KAZN: variants seen among roughly 807,000 people sequenced by gnomAD.
The protein encoded by KAZN is kazrin.
Under a neutral mutation model 87.4 loss-of-function variants are expected in KAZN, and 40 were observed. That is an observed-to-expected ratio of 0.46 (90% CI 0.36 to 0.60). The LOEUF (loss-of-function observed/expected upper bound fraction) is 0.60. Among genes scored for constraint, KAZN ranks in the 20% least tolerant of loss-of-function variants. The pLI, the probability that KAZN is intolerant of heterozygous loss-of-function variation, is 0.00. For synonymous variants in KAZN, 466 were observed against 458.3 expected (o/e 1.02, Z -0.22); for missense variants, 898 against 1,073.9 (o/e 0.84, Z 2.29).
intron 1 of KAZN, among the ~76,000 whole-genome samples, chr1:14,152,396 T>C (rs1005368310): frequency 6.6e-6 from 1 of 152,226 alleles, no homozygotes; most frequent in African/African-American, 2.4e-5. Context: ...AGTTCAACTC[T>C]TTTGATTTTT....
chr1:14,094,860 TG>T (rs1453268941), intron 1 of KAZN, among the ~76,000 whole-genome samples: 2 of 152,136 alleles, frequency 1.3e-5, no homozygotes, highest in African/African-American at 4.8e-5. Flanking sequence ...CTTTACTAGG[TG>T]GAATGCAGCT....
At chr1:14,365,343 CGGCGCCCACCCCCTCCCCCCGGGGT>C (rs1466772901) in intron 2 of KAZN, among the ~76,000 whole-genome samples, 1 of 141,760 alleles carries the variant, frequency 7.1e-6, no homozygotes, top group Admixed American at 7.3e-5. Flanking sequence ...CACCGCGCCC[CGGCGCCCACCCCCTCCCCCCGGGGT>C]GGGGGGGGGG....
chr1:14,308,078 A>G (rs1273788115), intron 2 of KAZN, among the ~76,000 whole-genome samples: 1 of 152,232 alleles, frequency 6.6e-6, no homozygotes, highest in Non-Finnish European at 1.5e-5. Context: ...AAAATTATCA[A>G]GTTCAGGAAA....
At chr1:15,068,831 TGGA>T (rs1639382809) in intron 8 of KAZN, among the ~76,000 whole-genome samples, 1 of 152,206 alleles carries the variant, frequency 6.6e-6, no homozygotes, top group African/African-American at 2.4e-5. Context: ...ATAAGACTGA[TGGA>T]GGGCTGGCTT....
intron 8 of KAZN, among the ~76,000 whole-genome samples, chr1:15,074,586 A>C (rs1639655956): frequency 6.6e-6 from 1 of 152,230 alleles, no homozygotes; most frequent in South Asian, 2.1e-4. Context: ...GAAGTCTATA[A>C]GACAAGGCCA....
intron 2 of KAZN, among the ~76,000 whole-genome samples, chr1:14,477,612 G>T (rs1027935716): frequency 6.6e-6 from 1 of 152,134 alleles, no homozygotes; most frequent in South Asian, 2.1e-4. Flanking sequence ...CACATAGCCT[G>T]CAGCACAAGC....
intron 2 of KAZN, among the ~76,000 whole-genome samples, chr1:14,525,148 A>G (rs1205483589): frequency 6.6e-6 from 1 of 152,232 alleles, no homozygotes; most frequent in Non-Finnish European, 1.5e-5. Flanking sequence ...GTGTTTGAAT[A>G]TGTGCATGCA....
At chr1:13,913,062 G>T (rs1290224212) in intron 1 of KAZN, among the ~76,000 whole-genome samples, 1 of 152,130 alleles carries the variant, frequency 6.6e-6, no homozygotes, top group Non-Finnish European at 1.5e-5. Flanking sequence ...TGGATCATGG[G>T]GCTGGGGTTG....
intron 2 of KAZN, among the ~76,000 whole-genome samples, chr1:14,395,806 A>T (rs1255453441): frequency 1.3e-5 from 2 of 152,158 alleles, no homozygotes; most frequent in Admixed American, 6.5e-5. Context: ...AGCAGGGGGC[A>T]CCAAACAGGA....
chr1:14,205,093 G>A (rs1646712353), intron 2 of KAZN, among the ~76,000 whole-genome samples: 1 of 152,230 alleles, frequency 6.6e-6, no homozygotes, highest in African/African-American at 2.4e-5. Flanking sequence ...GGCAGATGGG[G>A]AAGAGGCTGA....
At position 14,598,992 on chromosome 1, in the gene KAZN, C is replaced by T; in HGVS notation, c.-6C>T. On this transcript the variant is annotated 5_prime_UTR_variant, in exon 1 of 15. Coordinates refer to ENST00000376030, the MANE Select transcript of KAZN (RefSeq NM_201628.3). The surrounding 1 kb of genome is among the most constrained non-coding windows in gnomAD (Gnocchi z 4.2). ...CCTCTCTCGCCCCCAGGCCAAAATCCTGAGCATGATGGAAGACAATAAGCA... is the reference window on the plus strand; with the variant it reads ...CCTCTCTCGCCCCCAGGCCAAAATCTTGAGCATGATGGAAGACAATAAGCA... 1 of 1,569,216 alleles carries T rather than the reference C, an allele frequency of 6.4e-7. No individual in the cohort carries two copies. The highest frequency in any genetic ancestry group is 8.6e-7 in the Non-Finnish European group (1 of 1,161,318).
At chr1:14,977,169 C>T (rs113480430) in intron 2 of KAZN, among the ~76,000 whole-genome samples, 38 of 152,362 alleles carry the variant, frequency 2.5e-4, no homozygotes, top group African/African-American at 9.1e-4. Context: ...CTGTGCTTTC[C>T]CCCTTTGGGC....
intron 1 of KAZN, among the ~76,000 whole-genome samples, chr1:14,860,794 GT>G (rs1285173437): frequency 6.6e-6 from 1 of 152,306 alleles, no homozygotes; most frequent in East Asian, 1.9e-4. Context: ...GCAAAGCAAA[GT>G]TTATCAGCTG....
intron 2 of KAZN, among the ~76,000 whole-genome samples, chr1:14,979,964 C>T (rs747760790): frequency 6.6e-6 from 1 of 152,214 alleles, no homozygotes; most frequent in Non-Finnish European, 1.5e-5. Context: ...TCTCGGCGCA[C>T]TGCAACCTCC....
intron 1 of KAZN, among the ~76,000 whole-genome samples, chr1:14,088,582 T>C (rs1643904200): frequency 6.6e-6 from 1 of 152,014 alleles, no homozygotes; most frequent in East Asian, 1.9e-4. Flanking sequence ...ATATTCCATG[T>C]TCACTTCAAA....
chr1:14,426,748 C>T (rs1275790576), intron 2 of KAZN, among the ~76,000 whole-genome samples: 1 of 152,162 alleles, frequency 6.6e-6, no homozygotes, highest in Non-Finnish European at 1.5e-5. Context: ...CATCCAGTGC[C>T]TCCCAAGCTG....
intron 1 of KAZN, among the ~76,000 whole-genome samples, chr1:14,113,916 C>G (rs888773757): frequency 6.6e-5 from 10 of 152,214 alleles, no homozygotes; most frequent in Admixed American, 3.9e-4. Context: ...GTGTGGCCGT[C>G]TGAAATTAAG....
At chr1:14,560,671 A>G (rs529133788) in intron 2 of KAZN, among the ~76,000 whole-genome samples, 1 of 152,330 alleles carries the variant, frequency 6.6e-6, no homozygotes, top group African/African-American at 2.4e-5. Flanking sequence ...TGCCTGGCAC[A>G]AGGAGAGCGT....
intron 2 of KAZN, among the ~76,000 whole-genome samples, chr1:15,001,870 CTTTTTTTTTTTTTTTTT>C (rs34948148): frequency 1.7e-5 from 1 of 57,754 alleles, no homozygotes; most frequent in African/African-American, 9.1e-5. Flanking sequence ...AAGTCAAAAT[CTTTTTTTTTTTTTTTTT>C]TTTTTTTTTT....
Sources: gnomAD v4.1 joint callset for allele counts (sites outside exome capture counted in the v4.1 genomes callset) on GRCh38, gnomAD v4.1.1 for gene constraint, Gnocchi (gnomAD v3.1) non-coding constraint, MANE v1.5 for transcripts, NCBI Gene and HGNC (gene_info 2026-07-23, HGNC 2026-07-21) for gene names.